Variants in ROBO2 observed in about 807,000 individuals in gnomAD.
ROBO2 encodes roundabout homolog 2.
ROBO2 carries 53 observed loss-of-function variants against 160.8 expected under a neutral mutation model. The observed-to-expected ratio is 0.33, with a 90% CI of 0.26 to 0.41. The LOEUF is 0.41. Ranked by LOEUF, ROBO2 falls within the 10% of genes least tolerant of loss-of-function variation. The probability of loss-of-function intolerance (pLI) is 1.00; values close to 1 mark genes in which losing one functional copy is unlikely to be tolerated. For missense variants in ROBO2, 1,577 were observed against 1,722.4 expected (o/e 0.92, Z 1.49); for synonymous variants, 664 against 611.7 (o/e 1.09, Z -1.26).
rs57016408 is a variant in ROBO2 at position 76,511,605 on chromosome 3, G to A, written c.109+574003G>A. 5.1e-3 allele frequency among the ~76,000 whole-genome samples: 773 copies of A among 152,302 alleles called. 7 individuals are homozygous for A. The highest frequency in any genetic ancestry group is 0.031 in the South Asian group (152 of 4,830). ...CCTCCGTGAACAGAGGCATGAGTGT[G>A]GGAGGTTTTCAAAAGGAGTTTAGCA... On this transcript the variant is annotated intron_variant, in intron 2 of 26. Coordinates refer to the ROBO2 transcript ENST00000487694.
intron 6 of ROBO2, among the ~76,000 whole-genome samples, chr3:77,541,598 C>T (rs1345295063): frequency 6.6e-6 from 1 of 152,214 alleles, no homozygotes; most frequent in Non-Finnish European, 1.5e-5. Flanking sequence ...ACACAACATA[C>T]TTTCCTTATA....
chr3:76,578,101 G>A (rs181180349), intron 2 of ROBO2, among the ~76,000 whole-genome samples: 2 of 152,094 alleles, frequency 1.3e-5, no homozygotes, highest in Admixed American at 6.5e-5. Flanking sequence ...ACCAGCTTGG[G>A]AACTTAGACA....
At chr3:76,497,243 T>C (rs1242770646) in intron 2 of ROBO2, among the ~76,000 whole-genome samples, 1 of 152,232 alleles carries the variant, frequency 6.6e-6, no homozygotes, top group African/African-American at 2.4e-5. Flanking sequence ...TCTCCCTCGC[T>C]GAAGTGCAGT....
intron 2 of ROBO2, among the ~76,000 whole-genome samples, chr3:75,966,100 G>A (rs1269754282): frequency 6.6e-6 from 1 of 151,674 alleles, no homozygotes; most frequent in African/African-American, 2.4e-5. Context: ...ATACAAATAA[G>A]TCTTTATTAA....
At chr3:76,781,217 T>G (rs1363991193) in intron 2 of ROBO2, among the ~76,000 whole-genome samples, 1 of 150,764 alleles carries the variant, frequency 6.6e-6, no homozygotes, top group African/African-American at 2.4e-5. Flanking sequence ...TTTAGACAGT[T>G]TGTTGTTAGT....
intron 2 of ROBO2, among the ~76,000 whole-genome samples, chr3:76,237,249 A>C (rs532100279): frequency 2.0e-5 from 3 of 152,308 alleles, no homozygotes; most frequent in Admixed American, 1.3e-4. Flanking sequence ...TTAATATAAA[A>C]ACTGTGAAAG....
At chr3:76,165,206 C>A (rs1434671365) in intron 2 of ROBO2, among the ~76,000 whole-genome samples, 1 of 152,144 alleles carries the variant, frequency 6.6e-6, no homozygotes, top group East Asian at 1.9e-4. Flanking sequence ...GTGTGAACAT[C>A]TTCATCATTT....
intron 2 of ROBO2, among the ~76,000 whole-genome samples, chr3:76,860,274 G>A (rs895162032): frequency 1.5e-4 from 23 of 152,094 alleles, no homozygotes; most frequent in African/African-American, 4.6e-4. Flanking sequence ...AAGGCATGGA[G>A]CATATTCTTT....
chr3:77,590,646 C>T (rs1328660827), intron 17 of ROBO2, among the ~76,000 whole-genome samples: 3 of 152,054 alleles, frequency 2.0e-5, no homozygotes, highest in Non-Finnish European at 4.4e-5. Flanking sequence ...CTGGTCAGTT[C>T]GGTGCAAAGT....
intron 2 of ROBO2, among the ~76,000 whole-genome samples, chr3:76,065,234 T>C (rs962711113): frequency 4.0e-4 from 61 of 152,120 alleles, no homozygotes; most frequent in African/African-American, 1.4e-3. Flanking sequence ...TAAACAATCA[T>C]TGTGGTTGCT....
intron 2 of ROBO2, among the ~76,000 whole-genome samples, chr3:76,977,761 T>A (rs1424083988): frequency 6.6e-6 from 1 of 152,286 alleles, no homozygotes; most frequent in East Asian, 1.9e-4. Flanking sequence ...CCGTACTTTG[T>A]TTTGATGTAA....
intron 2 of ROBO2, among the ~76,000 whole-genome samples, chr3:76,782,049 G>A (rs1380376262): frequency 6.6e-6 from 1 of 150,416 alleles, no homozygotes; most frequent in Non-Finnish European, 1.5e-5. Context: ...GTATGTTATT[G>A]GTCTGTTCAG....
chr3:77,074,494 T>C (rs2067742999), intron 1 of ROBO2, among the ~76,000 whole-genome samples: 1 of 152,224 alleles, frequency 6.6e-6, no homozygotes, highest in Admixed American at 6.5e-5. Context: ...CAGTCTTTTC[T>C]AACACATTAG....
chr3:77,313,594 T>A (rs2063724278), intron 2 of ROBO2, among the ~76,000 whole-genome samples: 1 of 152,132 alleles, frequency 6.6e-6, no homozygotes, highest in African/African-American at 2.4e-5. Context: ...TTTTGGTTTG[T>A]TTGTTTTTAA....
At chr3:77,290,691 T>A (rs1321693522) in intron 2 of ROBO2, among the ~76,000 whole-genome samples, 1 of 46,192 alleles carries the variant, frequency 2.2e-5, no homozygotes, top group African/African-American at 6.4e-5. Context: ...AATCTGAGGC[T>A]AGATCACCCC....
In ROBO2 at chr3:77,179,313, C is replaced by CA. The variant is rs200508305; in HGVS notation, c.388+80985dup. On this transcript the variant is annotated intron_variant, in intron 2 of 25. Transcript: ENST00000461745. ...TAGGCCAGTTTTCCTAATAAGCCTG[C>CA]AAAAAAAAAAAAGTTAAATTGAAGA... 3.7e-3 allele frequency among the ~76,000 whole-genome samples: 496 copies of CA among 134,240 alleles called. 7 individuals carry two copies. Among genetic ancestry groups the CA allele is most frequent in the South Asian group, 0.034 (144 of 4,212 alleles). The allele number at this position is 134,240 out of a possible 152,430, so 88.1% of individuals were successfully genotyped here. A position where few individuals can be genotyped will look rare whatever the true frequency, so the allele number is the denominator to read the frequency against.
intron 1 of ROBO2, among the ~76,000 whole-genome samples, chr3:77,045,615 A>G (rs1480927880): frequency 6.6e-6 from 1 of 152,106 alleles, no homozygotes; most frequent in South Asian, 2.1e-4. Context: ...GGCTTCCACC[A>G]TTCATAGGCT....
At chr3:76,828,745 C>T (rs2066801180) in intron 2 of ROBO2, among the ~76,000 whole-genome samples, 1 of 152,038 alleles carries the variant, frequency 6.6e-6, no homozygotes, top group Non-Finnish European at 1.5e-5. Context: ...ATACCTGGTC[C>T]CTTGATATTT....
chr3:77,637,069 A>T (rs1378725333), intron 24 of ROBO2, among the ~76,000 whole-genome samples: 1 of 152,356 alleles, frequency 6.6e-6, no homozygotes, highest in Non-Finnish European at 1.5e-5. Flanking sequence ...CCAAAAGGAT[A>T]AACTTTTAAA....
Sources: allele counts gnomAD v4.1 joint callset (sites outside exome capture counted in the v4.1 genomes callset), GRCh38; gene constraint gnomAD v4.1.1; transcripts MANE v1.5; gene names NCBI Gene and HGNC (gene_info 2026-07-23, HGNC 2026-07-21).